MTUS2: variants seen among roughly 807,000 people sequenced by gnomAD.
MTUS2 encodes the protein microtubule associated scaffold protein 2, also known as microtubule-associated tumor suppressor candidate 2.
MTUS2 carries 40 observed loss-of-function variants against 114.1 expected under a neutral mutation model. The observed-to-expected ratio is 0.35, with a 90% CI of 0.27 to 0.46. The LOEUF (loss-of-function observed/expected upper bound fraction) is 0.46, where lower values mean the gene tolerates loss of function less well. Among genes scored for constraint, MTUS2 ranks in the 20% least tolerant of loss-of-function variants. The probability of loss-of-function intolerance (pLI) is 1.00; values close to 1 mark genes in which losing one functional copy is unlikely to be tolerated. For synonymous variants in MTUS2, 688 were observed against 672.0 expected (o/e 1.02, Z -0.37); for missense variants, 1,679 against 1,705.4 (o/e 0.98, Z 0.27).
intron 2 of MTUS2, among the ~76,000 whole-genome samples, chr13:28,916,950 C>T (rs1015160570): frequency 1.3e-5 from 2 of 151,698 alleles, no homozygotes; most frequent in Non-Finnish European, 3.0e-5. Flanking sequence ...TTTTTATCCT[C>T]AGTCTTTTGA....
intron 5 of MTUS2, among the ~76,000 whole-genome samples, chr13:29,259,540 T>C (rs142750069): frequency 6.6e-6 from 1 of 152,310 alleles, no homozygotes; most frequent in African/African-American, 2.4e-5. Flanking sequence ...ACCCAAACAT[T>C]TAGAGGCTTT....
At chr13:29,167,788 C>G (rs918807419) in intron 5 of MTUS2, among the ~76,000 whole-genome samples, 2 of 152,102 alleles carry the variant, frequency 1.3e-5, no homozygotes, top group African/African-American at 2.4e-5. Flanking sequence ...TTGGGATGCT[C>G]AGTCAGTAAG....
At chr13:29,265,161 C>T (rs1897622750) in intron 5 of MTUS2, among the ~76,000 whole-genome samples, 1 of 152,214 alleles carries the variant, frequency 6.6e-6, no homozygotes, top group Non-Finnish European at 1.5e-5. Context: ...TTTCTTCCAC[C>T]AAATTCTATA....
chr13:29,253,476 T>C (rs1240163762), intron 5 of MTUS2, among the ~76,000 whole-genome samples: 2 of 152,140 alleles, frequency 1.3e-5, no homozygotes, highest in East Asian at 3.8e-4. Flanking sequence ...CATCCTCCTG[T>C]GGCTTTATAT....
intron 2 of MTUS2, among the ~76,000 whole-genome samples, chr13:28,893,138 T>C (rs957659342): frequency 6.6e-6 from 1 of 152,136 alleles, no homozygotes; most frequent in Admixed American, 6.5e-5. Flanking sequence ...GTTTGGACTT[T>C]CTTCTTTAGG....
intron 5 of MTUS2, among the ~76,000 whole-genome samples, chr13:29,244,972 AAAAAAAAAAGT>A (rs1353946579): frequency 6.7e-6 from 1 of 149,238 alleles, no homozygotes; most frequent in Non-Finnish European, 1.5e-5. Context: ...AAAAAAAAAA[AAAAAAAAAAGT>A]AAAAGTCTGT....
At chr13:28,961,787 TTTGTTAAATA>T (rs1883340656) in intron 2 of MTUS2, among the ~76,000 whole-genome samples, 1 of 152,174 alleles carries the variant, frequency 6.6e-6, no homozygotes, top group Non-Finnish European at 1.5e-5. Flanking sequence ...GTTTTTCCAC[TTTGTTAAATA>T]GTCTTCTAGG....
Position 29,256,666 on chromosome 13 carries a change from A to G in MTUS2, c.2645-25038A>G, listed in dbSNP as rs905626921. 2.0e-5 allele frequency among the ~76,000 whole-genome samples: 3 copies of G among 152,268 alleles called. No homozygotes were observed. The East Asian group carries it at 5.8e-4, about 29-fold the overall frequency. On this transcript the variant is annotated intron_variant, in intron 5 of 15. Transcript: ENST00000612955. ...ATACAAGACTTAATTCTAATGTTTG[A>G]GAGTGTTTGCCACTTTGCAAAAACA...
chr13:29,346,943 C>T (rs1448999955), intron 7 of MTUS2, among the ~76,000 whole-genome samples: 4 of 151,286 alleles, frequency 2.6e-5, no homozygotes, highest in Non-Finnish European at 2.9e-5. Flanking sequence ...CTTCAGGCTC[C>T]CCAGTGAGGA....
At chr13:29,284,754 G>A (rs1401961365) in intron 6 of MTUS2, among the ~76,000 whole-genome samples, 5 of 152,116 alleles carry the variant, frequency 3.3e-5, no homozygotes, top group Non-Finnish European at 7.3e-5. Context: ...TGTGTATTAT[G>A]GGATGAATGG....
chr13:29,099,645 T>C (rs1366861884), intron 4 of MTUS2, among the ~76,000 whole-genome samples: 2 of 152,172 alleles, frequency 1.3e-5, no homozygotes, highest in African/African-American at 4.8e-5. Context: ...TACTGGATAA[T>C]GAAGACTTGA....
intron 4 of MTUS2, among the ~76,000 whole-genome samples, chr13:29,040,356 T>C (rs547724827): frequency 5.3e-5 from 8 of 152,370 alleles, no homozygotes; most frequent in Admixed American, 2.0e-4. Context: ...ATTGTCTTTA[T>C]TCACTCGTTA....
At chr13:29,477,318 A>T (rs973677811) in intron 9 of MTUS2, among the ~76,000 whole-genome samples, 1 of 152,168 alleles carries the variant, frequency 6.6e-6, no homozygotes, top group African/African-American at 2.4e-5. Flanking sequence ...ATCTTTATAT[A>T]TCTACCTCTT....
intron 5 of MTUS2, among the ~76,000 whole-genome samples, chr13:29,217,305 A>G (rs1422930289): frequency 2.0e-5 from 3 of 152,138 alleles, no homozygotes; most frequent in African/African-American, 7.2e-5. Context: ...ATATTGATAC[A>G]TCATTTAGCT....
chr13:28,984,523 T>G (rs1233271407), intron 2 of MTUS2, among the ~76,000 whole-genome samples: 1 of 152,218 alleles, frequency 6.6e-6, no homozygotes, highest in Non-Finnish European at 1.5e-5. Flanking sequence ...CATCACAGCT[T>G]GCAGCGCACT....
intron 6 of MTUS2, among the ~76,000 whole-genome samples, chr13:29,299,914 T>G (rs1303306771): frequency 1.3e-5 from 2 of 152,116 alleles, no homozygotes; most frequent in Non-Finnish European, 2.9e-5. Flanking sequence ...TAGTCTCTAA[T>G]TTTACTGGGC....
In MTUS2 at chr13:29,141,414, C is replaced by T. The variant is rs150245238; in HGVS notation, c.2644+40444C>T. Among the ~76,000 whole-genome samples the T allele has an allele frequency of 6.6e-5, 10 of 152,204 alleles. No homozygotes were observed. The East Asian group carries it at 1.4e-3, about 21-fold the overall frequency. ...GCAGATAGTGAGTAGAGGACGTTTTCGGGCAGAAGTTACAGCCTAGAGATG... is the reference window on the plus strand; with the variant it reads ...GCAGATAGTGAGTAGAGGACGTTTTTGGGCAGAAGTTACAGCCTAGAGATG... On this transcript the variant is annotated intron_variant, in intron 5 of 15. Transcript: ENST00000612955.
intron 3 of MTUS2, among the ~76,000 whole-genome samples, chr13:29,028,913 G>A (rs1424272577): frequency 6.6e-6 from 1 of 152,166 alleles, no homozygotes; most frequent in African/African-American, 2.4e-5. Flanking sequence ...TCTAGAGATA[G>A]GATGATTGAG....
At chr13:29,301,961 T>G (rs1899222959) in intron 6 of MTUS2, among the ~76,000 whole-genome samples, 1 of 152,176 alleles carries the variant, frequency 6.6e-6, no homozygotes, top group Non-Finnish European at 1.5e-5. Flanking sequence ...GGGCCTATTT[T>G]ATAAAAGCAC....
Sources: gnomAD v4.1 joint callset for allele counts (sites outside exome capture counted in the v4.1 genomes callset) on GRCh38, gnomAD v4.1.1 for gene constraint, MANE v1.5 for transcripts, NCBI Gene and HGNC (gene_info 2026-07-23, HGNC 2026-07-21) for gene names.